The following TRAK1 variants were observed in gnomAD, a reference collection of about 807,000 sequenced individuals.
TRAK1 encodes the protein trafficking kinesin-binding protein 1.
Under a neutral mutation model 92.1 loss-of-function variants are expected in TRAK1, and 33 were observed. That is an observed-to-expected ratio of 0.36 (90% confidence interval 0.27 to 0.48). The LOEUF (loss-of-function observed/expected upper bound fraction) is 0.48, where lower values mean the gene tolerates loss of function less well. Among genes scored for constraint, TRAK1 ranks in the 20% least tolerant of loss-of-function variants. TRAK1 has a pLI of 0.99. For synonymous variants in TRAK1, 521 were observed against 517.3 expected, an observed-to-expected ratio of 1.01 and a Z score of -0.10; for missense variants, 1,123 against 1,257.9, an observed-to-expected ratio of 0.89 and a Z score of 1.62.
At chr3:42,132,563 C>G (rs1697356442) in intron 2 of TRAK1, among the ~76,000 whole-genome samples, 1 of 152,112 alleles carries the variant, frequency 6.6e-6, no homozygotes, top group African/African-American at 2.4e-5. Flanking sequence ...CCATGTCCAG[C>G]CTAAAATTTT....
chr3:42,022,798 A>C (rs1576098616), intron 1 of TRAK1, among the ~76,000 whole-genome samples: 2 of 152,054 alleles, frequency 1.3e-5, no homozygotes, highest in African/African-American at 4.8e-5. Context: ...AACTTGCAAA[A>C]CTTTTAGCTG....
intron 2 of TRAK1, among the ~76,000 whole-genome samples, chr3:42,172,324 T>C (rs4683352): frequency 0.8 from 121,796 of 152,086 alleles, 49,019 homozygotes; most frequent in East Asian, 0.99. Flanking sequence ...ATGCCCATCT[T>C]GAAAGGGGAC....
At chr3:42,153,396 TA>T (rs1009769173) in intron 2 of TRAK1, among the ~76,000 whole-genome samples, 2 of 151,392 alleles carry the variant, frequency 1.3e-5, no homozygotes, top group Admixed American at 1.3e-4. Flanking sequence ...GATCCTGTCT[TA>T]AAAAAAATAA....
At chr3:42,196,966 T>G in intron 10 of TRAK1, among the ~76,000 whole-genome samples, 1 of 137,188 alleles carries the variant, frequency 7.3e-6, no homozygotes, top group African/African-American at 2.7e-5. Context: ...CCTCTCTCTC[T>G]CTCTCTCTCT....
chr3:42,068,465 A>G (rs1304961577), intron 1 of TRAK1, among the ~76,000 whole-genome samples: 1 of 152,206 alleles, frequency 6.6e-6, no homozygotes, highest in Admixed American at 6.5e-5. Flanking sequence ...CATGTGGTCC[A>G]TTAGCTGTAG....
chr3:42,182,736 C>T (rs1324176779), intron 3 of TRAK1, among the ~76,000 whole-genome samples: 1 of 152,218 alleles, frequency 6.6e-6, no homozygotes, highest in Non-Finnish European at 1.5e-5. Context: ...TCAAACTGTA[C>T]TTGACCTCAA....
chr3:42,212,749 G>A, intron 14 of TRAK1: 1 of 235,374 alleles, frequency 4.2e-6, no homozygotes, highest in Non-Finnish European at 6.9e-6. Flanking sequence ...CATTTGTGTG[G>A]GGAAGAGCCT....
At chr3:42,168,774 A>G (rs983091673) in intron 2 of TRAK1, among the ~76,000 whole-genome samples, 3 of 151,780 alleles carry the variant, frequency 2.0e-5, no homozygotes, top group South Asian at 2.1e-4. Context: ...GATTTGCTAT[A>G]TTGTCCAGGC....
At chr3:42,078,343 A>T (rs1056054335) in intron 1 of TRAK1, among the ~76,000 whole-genome samples, 3 of 152,168 alleles carry the variant, frequency 2.0e-5, no homozygotes, top group South Asian at 2.1e-4. Flanking sequence ...GTGCAGATGG[A>T]ATTAGAACTA....
At chr3:42,108,446 G>A (rs936179448) in intron 1 of TRAK1, among the ~76,000 whole-genome samples, 9 of 146,902 alleles carry the variant, frequency 6.1e-5, no homozygotes, top group African/African-American at 2.3e-4. Context: ...AGCTGTGATC[G>A]TACCACTGCA....
chr3:42,130,748 TC>T (rs1396975730), intron 2 of TRAK1, among the ~76,000 whole-genome samples: 1 of 152,060 alleles, frequency 6.6e-6, no homozygotes, highest in African/African-American at 2.4e-5. Flanking sequence ...TTAAACCAGC[TC>T]CCCTTGCCAT....
At chr3:42,049,152 C>T (rs978779114) in intron 1 of TRAK1, among the ~76,000 whole-genome samples, 3 of 152,206 alleles carry the variant, frequency 2.0e-5, no homozygotes, top group African/African-American at 4.8e-5. Context: ...GCCTTGCAGG[C>T]ATGAACCACC....
intron 2 of TRAK1, chr3:42,149,285 C>T: frequency 7.2e-7 from 1 of 1,389,464 alleles, no homozygotes; most frequent in South Asian, 1.6e-5. Context: ...GCCAGGGTCT[C>T]CGTTAGCTCT....
intron 1 of TRAK1, among the ~76,000 whole-genome samples, chr3:42,068,558 GTTTT>G (rs1257434480): frequency 6.6e-6 from 1 of 152,200 alleles, no homozygotes; most frequent in Non-Finnish European, 1.5e-5. Context: ...CACTCTTTGA[GTTTT>G]ACCGTGTTCC....
At chr3:42,030,372 A>AAAAAATATATAT in intron 1 of TRAK1, among the ~76,000 whole-genome samples, 1 of 132,318 alleles carries the variant, frequency 7.6e-6, no homozygotes, top group East Asian at 2.3e-4. Context: ...TAAAAAAAAA[A>AAAAAATATATAT]ATATATATAT....
chr3:42,115,921 A>G (rs116689448), intron 1 of TRAK1, among the ~76,000 whole-genome samples: 4 of 152,192 alleles, frequency 2.6e-5, no homozygotes, highest in Non-Finnish European at 5.9e-5. Context: ...TGAACCTTGC[A>G]GGGCCACAGT....
rs373018514 is a variant in TRAK1, at chr3:42,200,599, C to T, written c.1191-219C>T. 2.2e-4 allele frequency among the ~76,000 whole-genome samples: 34 copies of T among 152,252 alleles called. No individual in the cohort carries two copies. In the East Asian group the frequency reaches 6.2e-3, roughly 28 times the overall value. ...CACCTTTAGGATACAACCATGCGTT[C>T]GAGTCCTGGGTTTAGTGGGTGTTGA... On this transcript the variant is annotated intron_variant, in intron 11 of 15. Coordinates refer to ENST00000327628, the MANE Select transcript of TRAK1 (RefSeq NM_001042646.3).
At chr3:42,068,762 G>T (rs973251157) in intron 1 of TRAK1, among the ~76,000 whole-genome samples, 3 of 152,200 alleles carry the variant, frequency 2.0e-5, no homozygotes, top group African/African-American at 7.2e-5. Flanking sequence ...GGTAACTGTA[G>T]AGCAGTCATT....
chr3:42,095,718 G>GTCATCATCA (rs1553713896), intron 1 of TRAK1, among the ~76,000 whole-genome samples: 14 of 151,304 alleles, frequency 9.3e-5, no homozygotes, highest in East Asian at 7.8e-4. Context: ...CTTTATCATC[G>GTCATCATCA]TCATCATCAT....
Sources: gnomAD v4.1 joint callset for allele counts (sites outside exome capture counted in the v4.1 genomes callset) on GRCh38, gnomAD v4.1.1 for gene constraint, MANE v1.5 for transcripts, NCBI Gene and HGNC (gene_info 2026-07-23, HGNC 2026-07-21) for gene names.